Variants in CDKL2 observed in about 807,000 individuals in gnomAD.
The protein encoded by CDKL2 is cyclin-dependent kinase-like 2.
CDKL2 carries 64 observed loss-of-function variants against 63.9 expected under a neutral mutation model. That is an observed-to-expected ratio of 1.00 (90% CI 0.82 to 1.23). The LOEUF (loss-of-function observed/expected upper bound fraction) is 1.23. Ranked by LOEUF, CDKL2 falls within the 50% of genes most tolerant of loss-of-function variation. The pLI, the probability that CDKL2 is intolerant of heterozygous loss-of-function variation, is 0.00. For synonymous variants in CDKL2, 211 were observed against 229.2 expected (o/e 0.92, Z 0.72); for missense variants, 656 against 668.0 (o/e 0.98, Z 0.20).
Position 75,577,242 on chromosome 4 carries a change from C to A in CDKL2, c.*1960G>T, listed in dbSNP as rs4859536. On this transcript the variant is annotated 3_prime_UTR_variant, in exon 14 of 14. Coordinates refer to ENST00000307465, the MANE Select transcript of CDKL2 (RefSeq NM_001330724.2). ...TATCCTTGCAAGAGAAACTAAATAA[C>A]CTTAAACTTAAAAAAAGGATCATTT... Among the ~76,000 whole-genome samples the A allele has an allele frequency of 0.28, 42,350 of 151,816 alleles. 7,416 individuals are homozygous for A. The highest frequency in any genetic ancestry group is 0.77 in the East Asian group (3,958 of 5,166).
intron 6 of CDKL2, 47 bp downstream of exon 6, chr4:75,603,770 A>T: frequency 1.7e-6 from 2 of 1,154,374 alleles, no homozygotes; most frequent in Non-Finnish European, 2.4e-6. Flanking sequence ...AGGTCTTGAT[A>T]GTGCATAAAT....
intron 12 of CDKL2, among the ~76,000 whole-genome samples, chr4:75,587,176 G>C (rs911222036): frequency 6.6e-6 from 1 of 152,182 alleles, no homozygotes; most frequent in Non-Finnish European, 1.5e-5. Context: ...ATAAGAGGCC[G>C]GGTGCAGTGG....
At chr4:75,596,659 T>A (rs1251404167) in intron 9 of CDKL2, among the ~76,000 whole-genome samples, 1 of 152,246 alleles carries the variant, frequency 6.6e-6, no homozygotes, top group African/African-American at 2.4e-5. Context: ...TCTTTTAGTA[T>A]GACAACCTGC....
intron 2 of CDKL2, among the ~76,000 whole-genome samples, chr4:75,616,108 A>G (rs1237687436): frequency 6.6e-6 from 1 of 152,184 alleles, no homozygotes; most frequent in Non-Finnish European, 1.5e-5. Context: ...TTAATTTACA[A>G]AGAAGTAACT....
rs1352178008 is a variant in CDKL2 at position 75,598,187 on chromosome 4, C to T, written c.910G>A (p.Val304Ile). 8 of 1,499,178 alleles carry T rather than the reference C, an allele frequency of 5.3e-6. No homozygotes were observed. The highest frequency in any genetic ancestry group is 7.3e-6 in the Non-Finnish European group (8 of 1,099,890). 92.9% of individuals were successfully genotyped at this position (1,499,178 alleles called of 1,614,324 possible). A position where few individuals can be genotyped will look rare whatever the true frequency, so the allele number is the denominator to read the frequency against. Residue 304 changes from valine to isoleucine, a missense_variant, in exon 8 of 14, where the codon GTA becomes ATA. Transcript: ENST00000307465. The part of the protein sequence containing the change: ...ERFSQELQLK[V>I]QKDARNVSLS... Reference sequence around the variant, plus strand: ...GAAACATTTCTGGCATCTTTCTGTACTTTTAACTGTAGTTCTTGGGAAAAC... The same window carrying T: ...GAAACATTTCTGGCATCTTTCTGTATTTTTAACTGTAGTTCTTGGGAAAAC...
intron 12 of CDKL2, among the ~76,000 whole-genome samples, chr4:75,591,454 A>C (rs1050541253): frequency 2.0e-4 from 31 of 152,250 alleles, no homozygotes; most frequent in Admixed American, 2.0e-3. Flanking sequence ...AAAATTAATT[A>C]GATATGGTGG....
chr4:75,578,631 T>C lies in CDKL2; in HGVS notation c.*571A>G, dbSNP rs984050903. On this transcript the variant is annotated 3_prime_UTR_variant, in exon 14 of 14. Transcript: ENST00000307465. ...ACTTAATATCTAGAAACGTGTAAGA[T>C]TGTTAAGTGTGTTTTCATAGTTAAA... The C allele has an allele frequency of 5.3e-5, 8 of 152,342 alleles. No homozygotes were observed. Among genetic ancestry groups the C allele is most frequent in the African/African-American group, 1.2e-4 (5 of 41,438 alleles). 9.4% of individuals were successfully genotyped at this position (152,342 alleles called of 1,614,324 possible).
intron 1 of CDKL2, 143 bp from the exon 2 acceptor site, chr4:75,626,160 G>A (rs1286430097): frequency 1.7e-6 from 1 of 598,352 alleles, no homozygotes; most frequent in Non-Finnish European, 2.9e-6. Flanking sequence ...ATTTCCTAGT[G>A]TTTCTACATG....
chr4:75,612,173 A>G (rs1406820807), intron 3 of CDKL2, among the ~76,000 whole-genome samples: 1 of 152,092 alleles, frequency 6.6e-6, no homozygotes, highest in African/African-American at 2.4e-5. Flanking sequence ...GGGTTTCACC[A>G]CGTTGGCCAG....
intron 2 of CDKL2, among the ~76,000 whole-genome samples, chr4:75,621,994 G>A (rs1160693638): frequency 6.6e-6 from 1 of 152,148 alleles, no homozygotes; most frequent in Admixed American, 6.5e-5. Context: ...TATCTGATGG[G>A]TGGAGGGGAG....
At chr4:75,608,996 G>GAAA (rs5859470) in intron 3 of CDKL2, among the ~76,000 whole-genome samples, 2 of 120,862 alleles carry the variant, frequency 1.7e-5, no homozygotes, top group Non-Finnish European at 1.7e-5. Context: ...TCCATCTCAA[G>GAAA]AAAAAAAAAA....
chr4:75,615,854 G>T (rs1245747162), intron 2 of CDKL2, among the ~76,000 whole-genome samples: 3 of 151,902 alleles, frequency 2.0e-5, no homozygotes, highest in African/African-American at 7.3e-5. Flanking sequence ...AGCCTGGTGT[G>T]GTTGGGCACA....
chr4:75,611,140 A>C (rs1483479323), intron 3 of CDKL2, among the ~76,000 whole-genome samples: 1 of 152,162 alleles, frequency 6.6e-6, no homozygotes, highest in Non-Finnish European at 1.5e-5. Context: ...AAAGAGGGTA[A>C]GAAATCACAA....
chr4:75,602,987 CTTTTTTTT>C (rs1165939407), intron 6 of CDKL2, among the ~76,000 whole-genome samples: 2 of 87,468 alleles, frequency 2.3e-5, no homozygotes, highest in East Asian at 3.7e-4. Context: ...TAAATGGTTT[CTTTTTTTT>C]TTTTTTTTTT....
intron 2 of CDKL2, among the ~76,000 whole-genome samples, chr4:75,619,954 G>A (rs1276831886): frequency 2.0e-5 from 3 of 152,132 alleles, no homozygotes; most frequent in Non-Finnish European, 4.4e-5. Context: ...GTAGGTTGAG[G>A]CAGAAAAATT....
rs921336166 is a variant in CDKL2, at chr4:75,595,390, T to A, written c.1416+857A>T. 5.3e-5 allele frequency among the ~76,000 whole-genome samples: 8 copies of A among 151,890 alleles called. No homozygotes were observed. In the South Asian group the frequency reaches 6.2e-4, roughly 12 times the overall value. On this transcript the variant is annotated intron_variant, in intron 10 of 13. Transcript: ENST00000307465. ...CATACCCAGCTAACTTTTTAAAAAATTTTTTGTAGAGACAGGATCTTGCTA... is the reference window on the plus strand; with the variant it reads ...CATACCCAGCTAACTTTTTAAAAAAATTTTTGTAGAGACAGGATCTTGCTA...
At chr4:75,619,222 T>A (rs1002710950) in intron 2 of CDKL2, among the ~76,000 whole-genome samples, 1 of 152,070 alleles carries the variant, frequency 6.6e-6, no homozygotes, top group Admixed American at 6.6e-5. Context: ...AGTTAATTAC[T>A]AAAGGGGGTA....
At chr4:75,625,347 A>T (rs1271163469) in intron 2 of CDKL2, among the ~76,000 whole-genome samples, 1 of 152,174 alleles carries the variant, frequency 6.6e-6, no homozygotes, top group Non-Finnish European at 1.5e-5. Context: ...CTTTTAAATA[A>T]CTCAGGGATT....
At position 75,597,087 on chromosome 4, in the gene CDKL2, A is replaced by T; in HGVS notation, c.1170T>A (p.Pro390=). 1 of 1,614,156 alleles carries T rather than the reference A, an allele frequency of 6.2e-7. No homozygotes were observed. Among genetic ancestry groups the T allele is most frequent in the Non-Finnish European group, 8.5e-7 (1 of 1,180,016 alleles). The change falls in exon 9 of 14, where the codon CCT becomes CCA. Residue 390 remains proline (P), a synonymous_variant. Transcript: ENST00000307465. ...TGCTGCAGTCTTTGAGGCTTGTTGA[A>T]GGCACTATTTTGTTGTGGCTTGTCC... ...DSRTSHNKIV[P]STSLKDCSNV...
Sources: gnomAD v4.1 joint callset for allele counts (sites outside exome capture counted in the v4.1 genomes callset) on GRCh38, gnomAD v4.1.1 for gene constraint, MANE v1.5 for transcripts, NCBI Gene and HGNC (gene_info 2026-07-23, HGNC 2026-07-21) for gene names.